COBL: variants seen among roughly 807,000 people sequenced by gnomAD.
COBL encodes the protein protein cordon-bleu.
COBL carries 51 observed loss-of-function variants against 98.8 expected under a neutral mutation model. The ratio of observed to expected loss-of-function variants is 0.52; its 90% CI spans 0.41 to 0.65. The LOEUF (loss-of-function observed/expected upper bound fraction) is 0.65, where lower values mean the gene tolerates loss of function less well. COBL is among the 30% of genes least tolerant of loss of function. COBL has a pLI of 0.00. For synonymous variants in COBL, 634 were observed against 651.7 expected (o/e 0.97, Z 0.41); for missense variants, 1,617 against 1,617.5 (o/e 1.00, Z 0.01).
chr7:51,254,359 G>C (rs887128417), intron 1 of COBL, among the ~76,000 whole-genome samples: 8 of 152,156 alleles, frequency 5.3e-5, no homozygotes, highest in African/African-American at 1.9e-4. Context: ...TGGTACAGAA[G>C]TATTATTTGT....
At chr7:51,229,458 A>G (rs1794525076) in intron 1 of COBL, among the ~76,000 whole-genome samples, 1 of 152,168 alleles carries the variant, frequency 6.6e-6, no homozygotes, top group Non-Finnish European at 1.5e-5. Flanking sequence ...GCCTGGCAGC[A>G]ACCTTACTTC....
Position 51,207,460 on chromosome 7 carries a change from C to A in COBL, c.245+12281G>T, listed in dbSNP as rs112056237. ...TGGTCTCCCTCTCCCTCTCTTTCCA[C>A]GGTCTCCCTCTGATGCCGAGCCGAA... On this transcript the variant is annotated intron_variant, in intron 2 of 12. Transcript: ENST00000265136. Among the ~76,000 whole-genome samples, 1,399 of 152,282 alleles carry A rather than the reference C, an allele frequency of 9.2e-3. 19 individuals carry two copies. Among genetic ancestry groups the A allele is most frequent in the African/African-American group, 0.032 (1,319 of 41,548 alleles).
intron 1 of COBL, among the ~76,000 whole-genome samples, chr7:51,231,741 A>G (rs1312368741): frequency 6.6e-6 from 1 of 152,196 alleles, no homozygotes; most frequent in African/African-American, 2.4e-5. Flanking sequence ...GGGCCGAGCC[A>G]GGAGAGGCTG....
intron 1 of COBL, among the ~76,000 whole-genome samples, chr7:51,245,263 G>A (rs1255562788): frequency 6.6e-6 from 1 of 152,114 alleles, no homozygotes; most frequent in Non-Finnish European, 1.5e-5. Context: ...TCTTCTACCT[G>A]GAATTGCCAT....
chr7:51,275,834 T>C (rs1470115840), intron 1 of COBL, among the ~76,000 whole-genome samples: 1 of 152,208 alleles, frequency 6.6e-6, no homozygotes, highest in Non-Finnish European at 1.5e-5. Context: ...TTGATGAGAA[T>C]GTTTCCACAG....
At chr7:51,219,116 C>T (rs1321464145) in intron 2 of COBL, among the ~76,000 whole-genome samples, 1 of 152,182 alleles carries the variant, frequency 6.6e-6, no homozygotes, top group Non-Finnish European at 1.5e-5. Context: ...GCCAATGTTT[C>T]AGCCGCACCT....
In COBL at chr7:51,219,697, C is replaced by T. The variant is rs570510135; in HGVS notation, c.245+44G>A. On this transcript the variant is annotated intron_variant, in intron 2 of 12. Coordinates refer to ENST00000265136, the MANE Select transcript of COBL (RefSeq NM_015198.5). Reference sequence around the variant, plus strand: ...GCCTTTCCATTCTCCCCGCTATACTCGCAAAGTGAGTACAGCGACTCCTCC... The same window carrying T: ...GCCTTTCCATTCTCCCCGCTATACTTGCAAAGTGAGTACAGCGACTCCTCC... 1.1e-5 allele frequency: 18 copies of T among 1,590,124 alleles called. No individual in the cohort carries two copies. In the African/African-American group the frequency reaches 1.5e-4, roughly 13 times the overall value.
intron 1 of COBL, among the ~76,000 whole-genome samples, chr7:51,291,664 G>A (rs778564047): frequency 6.6e-6 from 1 of 152,092 alleles, no homozygotes; most frequent in Non-Finnish European, 1.5e-5. Context: ...GGGTGGCTGA[G>A]GAAGGGGAAT....
At position 51,203,220 on chromosome 7, in the gene COBL, TGGGAGGCCGAGGCG is replaced by T. The variant is rs1359313211; in HGVS notation, c.246-9645_246-9632del. ...ACAGAAAAATTAAAAAAAAAACTCT[TGGGAGGCCGAGGCG>T]GGCGGATCACGAGGTCAGGAGATCG... On this transcript the variant is annotated intron_variant, in intron 2 of 12. Transcript: ENST00000265136. Among the ~76,000 whole-genome samples, 17 of 144,834 alleles carry T rather than the reference TGGGAGGCCGAGGCG, an allele frequency of 1.2e-4. 1 individual carries two copies. Among genetic ancestry groups the T allele is most frequent in the Admixed American group, 3.4e-4 (5 of 14,794 alleles).
chr7:51,129,289 G>A lies in COBL; in HGVS notation c.957+6869C>T, dbSNP rs547045035. 3.4e-4 allele frequency among the ~76,000 whole-genome samples: 52 copies of A among 151,792 alleles called. 1 individual carries two copies. The highest frequency in any genetic ancestry group is 6.8e-3 in the Middle Eastern group (2 of 292). On this transcript the variant is annotated intron_variant, in intron 6 of 12. Coordinates refer to ENST00000265136, the MANE Select transcript of COBL (RefSeq NM_015198.5). ...GGGCCGGCTTCCTGCTTCAGAGGGCGCCTTCTTGCTTTGCGCTCACATGGT... is the reference window on the plus strand; with the variant it reads ...GGGCCGGCTTCCTGCTTCAGAGGGCACCTTCTTGCTTTGCGCTCACATGGT...
At chr7:51,120,994 T>C (rs1562935907) in intron 6 of COBL, among the ~76,000 whole-genome samples, 2 of 152,224 alleles carry the variant, frequency 1.3e-5, no homozygotes, top group Non-Finnish European at 2.9e-5. Context: ...TACAGGTATC[T>C]GTCTGAGGCC....
chr7:51,308,166 A>G (rs1005773763), intron 1 of COBL, among the ~76,000 whole-genome samples: 1 of 152,198 alleles, frequency 6.6e-6, no homozygotes, highest in Non-Finnish European at 1.5e-5. Context: ...TGTGCATTGA[A>G]CACTAGTGGA....
intron 7 of COBL, among the ~76,000 whole-genome samples, chr7:51,076,707 G>T (rs1793107332): frequency 6.6e-6 from 1 of 151,848 alleles, no homozygotes; most frequent in Non-Finnish European, 1.5e-5. Flanking sequence ...AGTATCCCTT[G>T]TTGGGGGGGG....
chr7:51,043,287 G>T lies in COBL; in HGVS notation c.1406+96C>A, dbSNP rs1789382390. 2.4e-6 allele frequency: 3 copies of T among 1,237,028 alleles called. No homozygotes were observed. The South Asian group carries it at 4.2e-5, about 17-fold the overall frequency. 76.6% of individuals were successfully genotyped at this position (1,237,028 alleles called of 1,614,324 possible). ...CGGGGCCCCTGGTGCAGAGCAGGTT[G>T]TGATAGCACGTGTTGGATCCCATGA... On this transcript the variant is annotated intron_variant, in intron 8 of 12. Transcript: ENST00000265136.
chr7:51,266,403 A>AC (rs371592127), intron 1 of COBL, among the ~76,000 whole-genome samples: 3 of 152,134 alleles, frequency 2.0e-5, no homozygotes, highest in Non-Finnish European at 2.9e-5. Flanking sequence ...ACATGGAGAA[A>AC]CCCCATCTCT....
At chr7:51,135,792 T>C (rs1431477047) in intron 6 of COBL, among the ~76,000 whole-genome samples, 1 of 152,212 alleles carries the variant, frequency 6.6e-6, no homozygotes, top group Non-Finnish European at 1.5e-5. Context: ...TTGGCATTTG[T>C]GGCATGCTGC....
At chr7:51,041,460 GT>G (rs1789181185) in intron 8 of COBL, among the ~76,000 whole-genome samples, 1 of 128,276 alleles carries the variant, frequency 7.8e-6, no homozygotes, top group African/African-American at 2.9e-5. Context: ...CTTTAAATCA[GT>G]TTACCTTATT....
At chr7:51,155,589 C>CAAAAAAAA (rs58500324) in intron 5 of COBL, among the ~76,000 whole-genome samples, 9 of 30,786 alleles carry the variant, frequency 2.9e-4, no homozygotes, top group Admixed American at 1.8e-3. Context: ...GACTCCATCT[C>CAAAAAAAA]AAAAAAAAAA....
intron 8 of COBL, among the ~76,000 whole-genome samples, chr7:51,039,506 C>T (rs2128883731): frequency 6.6e-6 from 1 of 152,332 alleles, no homozygotes; most frequent in South Asian, 2.1e-4. Context: ...CCTAGGCTTT[C>T]GACAGGGTTC....
Sources: gnomAD v4.1 joint callset for allele counts (sites outside exome capture counted in the v4.1 genomes callset) on GRCh38, gnomAD v4.1.1 for gene constraint, MANE v1.5 for transcripts, NCBI Gene and HGNC (gene_info 2026-07-23, HGNC 2026-07-21) for gene names.